SNU13: variants seen among roughly 807,000 people sequenced by gnomAD.
SNU13 encodes NHP2-like protein 1.
Under a neutral mutation model 12.4 loss-of-function variants are expected in SNU13, and 2 were observed. The ratio of observed to expected loss-of-function variants is 0.16; its 90% CI spans 0.07 to 0.51. SNU13 has a LOEUF of 0.51. Ranked by LOEUF, SNU13 falls within the 20% of genes least tolerant of loss-of-function variation. SNU13 has a pLI of 0.96. For synonymous variants in SNU13, 68 were observed against 66.5 expected (o/e 1.02, Z -0.11); for missense variants, 66 against 157.8 (o/e 0.42, Z 3.12).
chr22:41,688,646 C>G, intron 1 of SNU13, 148 bp downstream of exon 1: 1 of 1,132,706 alleles, frequency 8.8e-7, no homozygotes, highest in Non-Finnish European at 1.2e-6. Flanking sequence ...CCCGCCGCTG[C>G]TGGGGTTCTA....
chr22:41,682,113 C>T (rs1463235072), intron 1 of SNU13, among the ~76,000 whole-genome samples: 1 of 152,118 alleles, frequency 6.6e-6, no homozygotes, highest in Non-Finnish European at 1.5e-5. Flanking sequence ...TTCACTGCGG[C>T]TACCACCTAA....
At chr22:41,679,948 G>A (rs1209213363) in intron 2 of SNU13, 11 of 201,128 alleles carry the variant, frequency 5.5e-5, no homozygotes, top group African/African-American at 2.5e-4. Flanking sequence ...TCCTTCTGAT[G>A]GCTCTGGTGA....
chr22:41,675,335 G>C lies in SNU13; in HGVS notation c.125-140C>G, dbSNP rs1021218026. 7 of 1,050,542 alleles carry C rather than the reference G, an allele frequency of 6.7e-6. No homozygotes were observed. The Admixed American group carries it at 1.6e-4, about 24-fold the overall frequency. The allele number at this position is 1,050,542 out of a possible 1,614,324, so 65.1% of individuals were successfully genotyped here. A position where few individuals can be genotyped will look rare whatever the true frequency, so the allele number is the denominator to read the frequency against. ...GATATGATAAAGGATTCAAACACCAGTCAGTCATACACAATGGCATTTTCT... is the reference window on the plus strand; with the variant it reads ...GATATGATAAAGGATTCAAACACCACTCAGTCATACACAATGGCATTTTCT... On this transcript the variant is annotated intron_variant, in intron 2 of 2. Coordinates refer to ENST00000401959, the MANE Select transcript of SNU13 (RefSeq NM_001003796.2).
upstream of SNU13, chr22:41,689,082 C>T (rs8138334): frequency 0.03 from 34,286 of 1,159,598 alleles, 2,369 homozygotes; most frequent in African/African-American, 0.26. Context: ...AACCCACCGG[C>T]CGGCCGCAGC....
At chr22:41,688,875 TCA>T (rs929007009), upstream of SNU13, 161 of 1,502,934 alleles carry the variant, frequency 1.1e-4, no homozygotes, top group African/African-American at 4.7e-4. Context: ...CCGGAAAAAC[TCA>T]CAGAAGCAGC....
In SNU13 at chr22:41,682,407, G is replaced by A. The variant is rs199796398; in HGVS notation, c.4-2043C>T. On this transcript the variant is annotated intron_variant, in intron 1 of 2. Coordinates refer to ENST00000401959, the MANE Select transcript of SNU13 (RefSeq NM_001003796.2). ...GCCGGACACCGCGAGGATACCACGC[G>A]TGTCGGTTTGGACGGTCTGCTGCCC... 2.5e-6 allele frequency: 4 copies of A among 1,613,444 alleles called. No homozygotes were observed. The South Asian group carries it at 4.4e-5, about 18-fold the overall frequency.
upstream of SNU13, among the ~76,000 whole-genome samples, chr22:41,689,667 C>T (rs776977670): frequency 2.0e-4 from 29 of 143,822 alleles, no homozygotes; most frequent in Middle Eastern, 0.028. Context: ...AGTGAGACTC[C>T]GTCTCAAAAA....
rs1055486930 is a variant in SNU13 at position 41,682,317 on chromosome 22, G to A, written c.4-1953C>T. The A allele has an allele frequency of 6.3e-6, 10 of 1,589,956 alleles. No homozygotes were observed. In the South Asian group the frequency reaches 9.9e-5, roughly 16 times the overall value. ...ACGCTCGCGGCACCACAGCTCTCGG[G>A]AGGTGACCCGGAGATAATGGCCCAG... On this transcript the variant is annotated intron_variant, in intron 1 of 2. Transcript: ENST00000401959.
At chr22:41,680,684 A>G (rs963224796) in intron 1 of SNU13, among the ~76,000 whole-genome samples, 3 of 152,174 alleles carry the variant, frequency 2.0e-5, no homozygotes, top group African/African-American at 7.2e-5. Flanking sequence ...ATTTGAGTCC[A>G]TGGCTAATCC....
chr22:41,688,503 C>T (rs1288520626), intron 1 of SNU13, among the ~76,000 whole-genome samples: 1 of 152,232 alleles, frequency 6.6e-6, no homozygotes, highest in East Asian at 1.9e-4. Flanking sequence ...TGGTCTCTTT[C>T]TCCCAGGCTG....
chr22:41,679,947 T>A (rs565315530), intron 2 of SNU13: 1 of 200,300 alleles, frequency 5.0e-6, no homozygotes, highest in East Asian at 1.2e-4. Context: ...TTCCTTCTGA[T>A]GGCTCTGGTG....
intron 2 of SNU13, among the ~76,000 whole-genome samples, chr22:41,677,074 T>G (rs2068220992): frequency 1.3e-5 from 2 of 152,344 alleles, no homozygotes; most frequent in Non-Finnish European, 2.9e-5. Flanking sequence ...TTCTTTTTTC[T>G]CTTTTCAGCA....
At chr22:41,682,545 G>GT (rs758489612) in intron 1 of SNU13, 9 of 1,483,070 alleles carry the variant, frequency 6.1e-6, no homozygotes, top group African/African-American at 1.4e-5. Context: ...TGTCTTCTAC[G>GT]TAACTCCTTA....
intron 1 of SNU13, among the ~76,000 whole-genome samples, chr22:41,680,683 C>T (rs2068255970): frequency 6.6e-6 from 1 of 152,180 alleles, no homozygotes; most frequent in African/African-American, 2.4e-5. Context: ...CATTTGAGTC[C>T]ATGGCTAATC....
intron 2 of SNU13, 86 bp downstream of exon 2, chr22:41,680,157 TC>T: frequency 6.8e-7 from 1 of 1,463,548 alleles, no homozygotes; most frequent in Non-Finnish European, 9.1e-7. Flanking sequence ...CAGCTAGCCC[TC>T]CTCCCAAACT....
intron 1 of SNU13, among the ~76,000 whole-genome samples, chr22:41,684,398 C>A (rs1399063137): frequency 6.6e-6 from 1 of 151,738 alleles, no homozygotes; most frequent in African/African-American, 2.4e-5. Flanking sequence ...CCTTTTTATC[C>A]CGTTTCTCCC....
chr22:41,690,088 G>T (rs1158948236), upstream of SNU13, among the ~76,000 whole-genome samples: 1 of 152,092 alleles, frequency 6.6e-6, no homozygotes, highest in East Asian at 1.9e-4. Context: ...AGAACTTTTG[G>T]GTAAAAGAGT....
chr22:41,685,461 C>A (rs1034724658), intron 1 of SNU13, among the ~76,000 whole-genome samples: 2 of 151,988 alleles, frequency 1.3e-5, no homozygotes, highest in African/African-American at 2.4e-5. Context: ...TCAAGCAATT[C>A]TCCTGCCTCA....
rs374125580 is a variant in SNU13 at position 41,682,285 on chromosome 22, C to T, written c.4-1921G>A. 2.0e-4 allele frequency: 294 copies of T among 1,490,714 alleles called. No individual in the cohort carries two copies. In the African/African-American group the frequency reaches 3.4e-3, roughly 17 times the overall value. 92.3% of individuals were successfully genotyped at this position (1,490,714 alleles called of 1,614,324 possible). On this transcript the variant is annotated intron_variant, in intron 1 of 2. Transcript: ENST00000401959. Reference sequence around the variant, plus strand: ...TTTTTTTACAGCTTTTCTGACACAGCGGGACCACGCTCGCGGCACCACAGC... The same window carrying T: ...TTTTTTTACAGCTTTTCTGACACAGTGGGACCACGCTCGCGGCACCACAGC...
Sources: allele counts gnomAD v4.1 joint callset (sites outside exome capture counted in the v4.1 genomes callset), GRCh38; gene constraint gnomAD v4.1.1; transcripts MANE v1.5; gene names NCBI Gene and HGNC (gene_info 2026-07-23, HGNC 2026-07-21).